Variants in GCC2 observed in about 807,000 individuals in gnomAD.
GCC2 encodes the protein GRIP and coiled-coil domain-containing protein 2.
GCC2 carries 120 observed loss-of-function variants against 210.6 expected under a neutral mutation model. The ratio of observed to expected loss-of-function variants is 0.57; its 90% CI spans 0.49 to 0.66. The LOEUF (loss-of-function observed/expected upper bound fraction) is 0.66. Ranked by LOEUF, GCC2 falls within the 30% of genes least tolerant of loss-of-function variation. The pLI, the probability that GCC2 is intolerant of heterozygous loss-of-function variation, is 0.00. For missense variants in GCC2, 1,868 were observed against 1,871.9 expected (o/e 1.00, Z 0.04); for synonymous variants, 703 against 652.7 (o/e 1.08, Z -1.17).
chr2:108,503,868 G>A (rs944011364), intron 22 of GCC2, among the ~76,000 whole-genome samples: 3 of 152,094 alleles, frequency 2.0e-5, no homozygotes, highest in East Asian at 3.9e-4. Flanking sequence ...CAACAGTTTG[G>A]GAAGACCAGG....
At chr2:108,487,564 C>A in intron 16 of GCC2, 135 bp from the exon 17 acceptor site, 2 of 845,490 alleles carry the variant, frequency 2.4e-6, no homozygotes, top group Non-Finnish European at 3.7e-6. Flanking sequence ...CAAGGTTAAT[C>A]AAGAAACCAA....
At chr2:108,458,380 T>C (rs1189670516) in intron 4 of GCC2, among the ~76,000 whole-genome samples, 1 of 148,218 alleles carries the variant, frequency 6.7e-6, no homozygotes, top group African/African-American at 2.5e-5. Flanking sequence ...CTTTCTTTTT[T>C]TTTTTTTTTT....
intron 20 of GCC2, chr2:108,495,959 TC>T (rs1251868481): frequency 6.5e-6 from 1 of 154,024 alleles, no homozygotes; most frequent in Non-Finnish European, 1.4e-5. Flanking sequence ...CAAATGTTAA[TC>T]CCTTTGGCAA....
intron 4 of GCC2, 145 bp downstream of exon 4, chr2:108,452,611 A>G (rs1434612997): frequency 5.2e-6 from 3 of 575,012 alleles, no homozygotes; most frequent in Non-Finnish European, 9.6e-6. Flanking sequence ...CTGTAAAAAG[A>G]GGGGGTTAAT....
At chr2:108,475,960 A>G (rs1681493781) in intron 9 of GCC2, 110 bp downstream of exon 9, 1 of 563,556 alleles carries the variant, frequency 1.8e-6, no homozygotes, top group South Asian at 2.5e-5. Flanking sequence ...ATCACCTTGT[A>G]TTTTTTAGTA....
At chr2:108,499,968 C>A (rs1682836503) in intron 22 of GCC2, among the ~76,000 whole-genome samples, 1 of 152,210 alleles carries the variant, frequency 6.6e-6, no homozygotes, top group African/African-American at 2.4e-5. Context: ...CAGCAAAATA[C>A]AGTAAGTGCT....
rs1409277678 is a variant in GCC2 at position 108,509,295 on chromosome 2, TAAA to T, written c.*1669_*1671del. 2.0e-5 allele frequency: 3 copies of T among 152,652 alleles called. No individual in the cohort carries two copies. The highest frequency in any genetic ancestry group is 1.9e-4 in the East Asian group (1 of 5,204). The allele number at this position is 152,652 out of a possible 1,614,324, so 9.5% of individuals were successfully genotyped here. A position where few individuals can be genotyped will look rare whatever the true frequency, so the allele number is the denominator to read the frequency against. On this transcript the variant is annotated 3_prime_UTR_variant, in exon 23 of 23. Transcript: ENST00000309863. Reference sequence around the variant, plus strand: ...CATAACAAAATAATTTTTTGCATGATAAAAAATTACTTTGATTACAAAAGGCAT... The same window carrying T: ...CATAACAAAATAATTTTTTGCATGATAAATTACTTTGATTACAAAAGGCAT...
In GCC2 at chr2:108,470,644, G is replaced by A; in HGVS notation, c.1315G>A (p.Glu439Lys). The A allele has an allele frequency of 6.2e-7, 1 of 1,612,178 alleles. No homozygotes were observed. Among genetic ancestry groups the A allele is most frequent in the South Asian group, 1.1e-5 (1 of 90,882 alleles). Reference protein sequence around the residue: ...LKEQHQKEISELNETFLSDSE... With the variant: ...LKEQHQKEISKLNETFLSDSE... The stretch of plus-strand genomic sequence containing the variant: ...GGAACAACATCAAAAAGAAATATCA[G>A]AACTAAATGAGACATTTTTGTCAGA... The change falls in exon 6 of 23, where the codon GAA becomes AAA. Residue 439 changes from glutamate to lysine, a missense_variant. By Grantham distance (56) the Glu-to-Lys change is moderately conservative. Transcript: ENST00000309863.
rs1683361964 is a variant in GCC2, at chr2:108,509,196, ACTTTCT to A, written c.*1571_*1576del. 1.3e-5 allele frequency: 2 copies of A among 152,626 alleles called. No homozygotes were observed. Among genetic ancestry groups the A allele is most frequent in the African/African-American group, 4.8e-5 (2 of 41,454 alleles). The allele number at this position is 152,626 out of a possible 1,614,324, so 9.5% of individuals were successfully genotyped here. A position where few individuals can be genotyped will look rare whatever the true frequency, so the allele number is the denominator to read the frequency against. On this transcript the variant is annotated 3_prime_UTR_variant, in exon 23 of 23. Coordinates refer to ENST00000309863, the MANE Select transcript of GCC2 (RefSeq NM_181453.4). The stretch of plus-strand genomic sequence containing the variant: ...AACTAATCATATTTAAATATATTTC[ACTTTCT>A]CTTTGACTTTAGACCTTTTGAAGTC...
chr2:108,492,836 AT>A, intron 19 of GCC2, 46 bp downstream of exon 19: 3 of 1,336,190 alleles, frequency 2.2e-6, no homozygotes, highest in Non-Finnish European at 3.2e-6. Context: ...GTTTTCATGC[AT>A]TTGTCTCTTA....
At chr2:108,483,276 T>C (rs1041902965) in intron 12 of GCC2, 110 bp downstream of exon 12, 4 of 625,290 alleles carry the variant, frequency 6.4e-6, no homozygotes, top group Non-Finnish European at 1.1e-5. Flanking sequence ...CAGGCTGGAG[T>C]GCAGTGGCAT....
chr2:108,450,607 C>T (rs958195605), intron 2 of GCC2, among the ~76,000 whole-genome samples: 2 of 152,194 alleles, frequency 1.3e-5, no homozygotes, highest in African/African-American at 4.8e-5. Context: ...TGTGGCCGGG[C>T]GCGGTGGGTC....
intron 4 of GCC2, among the ~76,000 whole-genome samples, chr2:108,461,839 T>G (rs1014893503): frequency 2.8e-5 from 4 of 141,448 alleles, no homozygotes; most frequent in African/African-American, 1.1e-4. Flanking sequence ...TCTTTTTCTT[T>G]TTTTTTTTTT....
At chr2:108,463,613 G>C (rs1680717945) in intron 4 of GCC2, among the ~76,000 whole-genome samples, 1 of 152,194 alleles carries the variant, frequency 6.6e-6, no homozygotes, top group Non-Finnish European at 1.5e-5. Context: ...GAGCATGCCT[G>C]TCCCTGGGCC....
intron 4 of GCC2, among the ~76,000 whole-genome samples, chr2:108,456,631 TA>T (rs745879600): frequency 1.4e-4 from 21 of 152,150 alleles, no homozygotes; most frequent in Non-Finnish European, 3.1e-4. Context: ...TTGTCCCATT[TA>T]AGAGGTTGTC....
At chr2:108,451,951 C>A (rs1573335842) in intron 3 of GCC2, among the ~76,000 whole-genome samples, 1 of 150,580 alleles carries the variant, frequency 6.6e-6, no homozygotes, top group East Asian at 2.0e-4. Context: ...TCAAGCGATT[C>A]TCCTGCCTCA....
Position 108,508,846 on chromosome 2 carries a change from TCA to T in GCC2, c.*1221_*1222del, listed in dbSNP as rs1683342215. 6.5e-6 allele frequency: 1 copy of T among 152,682 alleles called. No individual in the cohort carries two copies. The highest frequency in any genetic ancestry group is 2.4e-5 in the African/African-American group (1 of 41,468). 9.5% of individuals were successfully genotyped at this position (152,682 alleles called of 1,614,324 possible). On this transcript the variant is annotated 3_prime_UTR_variant, in exon 23 of 23. Transcript: ENST00000309863. The stretch of plus-strand genomic sequence containing the variant: ...ATAATTTGTAATATTTATGTGTTAA[TCA>T]CACAGTATGCTCTCTGAAGTTCTCT...
intron 7 of GCC2, 188 bp from the exon 8 acceptor site, chr2:108,475,347 T>G: frequency 2.5e-6 from 1 of 402,618 alleles, no homozygotes. Context: ...AATGGAAACT[T>G]TTTACATTGT....
At chr2:108,461,886 T>A (rs1443609737) in intron 4 of GCC2, among the ~76,000 whole-genome samples, 1 of 137,814 alleles carries the variant, frequency 7.3e-6, no homozygotes, top group Non-Finnish European at 1.5e-5. Context: ...CAGGCCGGAC[T>A]GCAGTGGCCT....
Sources: allele counts gnomAD v4.1 joint callset (sites outside exome capture counted in the v4.1 genomes callset), GRCh38; gene constraint gnomAD v4.1.1; transcripts MANE v1.5; gene names NCBI Gene and HGNC (gene_info 2026-07-23, HGNC 2026-07-21).